ASTN2: variants seen among roughly 807,000 people sequenced by gnomAD.
ASTN2 encodes astrotactin 2, also known as astrotactin-2.
In ASTN2, 54 loss-of-function variants were observed where a neutral mutation model predicts 139.8. That is an observed-to-expected ratio of 0.39 (90% CI 0.31 to 0.48). The LOEUF (loss-of-function observed/expected upper bound fraction) is 0.48, where lower values mean the gene tolerates loss of function less well. ASTN2 is among the 20% of genes least tolerant of loss of function. The pLI, the probability that ASTN2 is intolerant of heterozygous loss-of-function variation, is 0.95. For missense variants in ASTN2, 1,565 were observed against 1,725.1 expected, an observed-to-expected ratio of 0.91 and a Z score of 1.64; for synonymous variants, 756 against 719.5, an observed-to-expected ratio of 1.05 and a Z score of -0.81.
intron 13 of ASTN2, among the ~76,000 whole-genome samples, chr9:116,798,156 A>G (rs1588301265): frequency 1.3e-5 from 2 of 152,340 alleles, no homozygotes. Context: ...CTGTAATCCC[A>G]GCTACTCTGG....
At chr9:116,651,403 G>A (rs1296790980) in intron 17 of ASTN2, 125 bp downstream of exon 17, 17 of 1,101,232 alleles carry the variant, frequency 1.5e-5, no homozygotes, top group Middle Eastern at 3.0e-4. Flanking sequence ...ATAAATGCTA[G>A]TAATCACCAT....
At chr9:117,303,178 A>G (rs1216123500) in intron 1 of ASTN2, among the ~76,000 whole-genome samples, 1 of 152,142 alleles carries the variant, frequency 6.6e-6, no homozygotes, top group East Asian at 1.9e-4. Flanking sequence ...AGATCATAAG[A>G]GTCTTCTGGA....
chr9:116,945,213 C>T (rs1261982380), intron 10 of ASTN2, among the ~76,000 whole-genome samples: 3 of 152,164 alleles, frequency 2.0e-5, no homozygotes, highest in East Asian at 3.9e-4. Flanking sequence ...CCTCCTGTCC[C>T]ACTGGCCAGG....
chr9:116,565,679 C>A (rs1853196680), intron 19 of ASTN2, among the ~76,000 whole-genome samples: 1 of 151,672 alleles, frequency 6.6e-6, no homozygotes, highest in South Asian at 2.1e-4. Context: ...GACAGGGTCT[C>A]GCCATGTTGT....
At chr9:116,603,849 G>T (rs1447033730) in intron 19 of ASTN2, among the ~76,000 whole-genome samples, 2 of 152,194 alleles carry the variant, frequency 1.3e-5, no homozygotes, top group Non-Finnish European at 2.9e-5. Context: ...AACAGATGGT[G>T]ACAGGGAGGG....
At chr9:117,288,190 G>T (rs1394200687) in intron 2 of ASTN2, among the ~76,000 whole-genome samples, 2 of 152,132 alleles carry the variant, frequency 1.3e-5, no homozygotes, top group African/African-American at 2.4e-5. Flanking sequence ...GTACTTCCTT[G>T]CTGCATCACC....
intron 19 of ASTN2, among the ~76,000 whole-genome samples, chr9:116,578,151 T>C (rs575337800): frequency 8.6e-5 from 13 of 151,882 alleles, no homozygotes; most frequent in Admixed American, 6.6e-4. Context: ...AAGAAAACAT[T>C]TACAATAACC....
intron 11 of ASTN2, among the ~76,000 whole-genome samples, chr9:116,852,838 C>T (rs1011280670): frequency 4.1e-5 from 6 of 145,552 alleles, no homozygotes; most frequent in Non-Finnish European, 9.0e-5. Context: ...TGCTCTTTAG[C>T]CTCAATTTGA....
intron 1 of ASTN2, among the ~76,000 whole-genome samples, chr9:117,361,274 T>A (rs1275587576): frequency 6.6e-6 from 1 of 152,212 alleles, no homozygotes; most frequent in Non-Finnish European, 1.5e-5. Flanking sequence ...GAGTCTTTGC[T>A]TCTTGTTCTC....
intron 11 of ASTN2, among the ~76,000 whole-genome samples, chr9:116,845,576 A>C (rs984970334): frequency 3.9e-5 from 6 of 152,230 alleles, no homozygotes; most frequent in Non-Finnish European, 8.8e-5. Context: ...AAAAGACTTG[A>C]ATAGACATTT....
chr9:116,842,434 T>C lies in ASTN2; in HGVS notation c.2040+21149A>G, dbSNP rs141334975. On this transcript the variant is annotated intron_variant, in intron 11 of 22. Coordinates refer to ENST00000313400, the MANE Select transcript of ASTN2 (RefSeq NM_001365068.1). ...GAAGAAGGGCTGCTGAATTCTTCAA[T>C]ATGAACCATCCCTTTGATAAGAAAC... is the stretch of plus-strand genomic sequence containing the variant. Among the ~76,000 whole-genome samples, 649 of 152,202 alleles carry C rather than the reference T, an allele frequency of 4.3e-3. 7 individuals carry two copies. Among genetic ancestry groups the C allele is most frequent in the African/African-American group, 0.015 (629 of 41,530 alleles).
intron 19 of ASTN2, among the ~76,000 whole-genome samples, chr9:116,602,043 T>C (rs1327875012): frequency 6.6e-6 from 1 of 152,142 alleles, no homozygotes; most frequent in African/African-American, 2.4e-5. Context: ...CAGGAAGGTA[T>C]AGTACTGAAG....
rs996511169 is a variant in ASTN2 at position 116,565,900 on chromosome 9, C to A, written c.3355+52424G>T. On this transcript the variant is annotated intron_variant, in intron 19 of 22. Transcript: ENST00000313400. The stretch of plus-strand genomic sequence containing the variant: ...ATGGTGTAGAAGATCTAGAGAGAGA[C>A]CTTCGATTACAAGTACATATAACAC... Among the ~76,000 whole-genome samples, 3 of 152,170 alleles carry A rather than the reference C, an allele frequency of 2.0e-5. No individual in the cohort carries two copies. In the East Asian group the frequency reaches 5.8e-4, roughly 30 times the overall value.
At chr9:116,999,338 A>AT (rs1383971700) in intron 7 of ASTN2, among the ~76,000 whole-genome samples, 1 of 152,038 alleles carries the variant, frequency 6.6e-6, no homozygotes, top group East Asian at 1.9e-4. Context: ...TGGTCTCCTC[A>AT]TTTGATTACA....
intron 2 of ASTN2, among the ~76,000 whole-genome samples, chr9:117,216,820 G>A (rs1343274283): frequency 6.6e-6 from 1 of 151,938 alleles, no homozygotes; most frequent in South Asian, 2.1e-4. Flanking sequence ...AAAGGGCTGG[G>A]GGCAACACTA....
chr9:116,970,032 C>G (rs1277043405), intron 10 of ASTN2, among the ~76,000 whole-genome samples: 2 of 152,200 alleles, frequency 1.3e-5, no homozygotes, highest in African/African-American at 4.8e-5. Context: ...AGCTGGCATT[C>G]TGTGGCTTGT....
At chr9:117,043,459 A>G (rs2132654783) in intron 5 of ASTN2, among the ~76,000 whole-genome samples, 2 of 152,238 alleles carry the variant, frequency 1.3e-5, no homozygotes, top group Middle Eastern at 3.4e-3. Context: ...ACTACCAGAA[A>G]TACACTACCC....
chr9:116,432,247 G>A (rs550803742), intron 22 of ASTN2, among the ~76,000 whole-genome samples: 2 of 152,136 alleles, frequency 1.3e-5, no homozygotes, highest in Non-Finnish European at 2.9e-5. Flanking sequence ...TCATCTTCAG[G>A]AAGTCTTCCA....
intron 10 of ASTN2, among the ~76,000 whole-genome samples, chr9:116,952,780 G>A (rs549252190): frequency 3.9e-5 from 6 of 152,290 alleles, no homozygotes; most frequent in African/African-American, 1.2e-4. Context: ...AGCAATCGCC[G>A]TTGGAGCTGC....
Sources: allele counts gnomAD v4.1 joint callset (sites outside exome capture counted in the v4.1 genomes callset), GRCh38; gene constraint gnomAD v4.1.1; transcripts MANE v1.5; gene names NCBI Gene and HGNC (gene_info 2026-07-23, HGNC 2026-07-21).